SLC7A14: variants seen among roughly 807,000 people sequenced by gnomAD.
SLC7A14 encodes the protein gamma-aminobutyric acid transporter SLC7A14.
A neutral mutation model predicts 60.2 loss-of-function variants in SLC7A14; 37 were observed. The observed-to-expected ratio is 0.61, with a 90% CI of 0.47 to 0.81. The LOEUF is 0.81. Ranked by LOEUF, SLC7A14 falls within the 30% of genes least tolerant of loss-of-function variation. The pLI is 0.00. For synonymous variants in SLC7A14, 399 were observed against 395.8 expected, an observed-to-expected ratio of 1.01 and a Z score of -0.10; for missense variants, 886 against 982.7, an observed-to-expected ratio of 0.90 and a Z score of 1.32.
chr3:170,468,304 CTTT>C (rs1179861984), intron 7 of SLC7A14, among the ~76,000 whole-genome samples: 1 of 146,850 alleles, frequency 6.8e-6, no homozygotes, highest in Admixed American at 6.8e-5. Context: ...TTTTTCTTTT[CTTT>C]TTTTTTTTGA....
At chr3:170,517,876 C>T (rs755237486) in intron 2 of SLC7A14, among the ~76,000 whole-genome samples, 25 of 152,168 alleles carry the variant, frequency 1.6e-4, no homozygotes, top group African/African-American at 6.0e-4. Flanking sequence ...CTAAGGGTGT[C>T]GAGAAAAATA....
rs555844807 is a variant in SLC7A14 at position 170,575,459 on chromosome 3, AT to A, written c.-153+10451del. On this transcript the variant is annotated intron_variant, in intron 1 of 7. Coordinates refer to ENST00000231706, the MANE Select transcript of SLC7A14 (RefSeq NM_020949.3). ...TCTGTGTTTCTGAAGAGAATGCTGT[AT>A]GTAGAAGGAGCTCAGAATGTAGAAG... Among the ~76,000 whole-genome samples the A allele has an allele frequency of 1.6e-4, 25 of 152,308 alleles. No individual in the cohort carries two copies. The South Asian group carries it at 5.0e-3, about 30-fold the overall frequency.
intron 1 of SLC7A14, among the ~76,000 whole-genome samples, chr3:170,568,301 CAAAGATCAG>C (rs1714850355): frequency 6.6e-6 from 1 of 152,140 alleles, no homozygotes; most frequent in African/African-American, 2.4e-5. Flanking sequence ...TCAGGTTTGT[CAAAGATCAG>C]ATAGTTGTAG....
chr3:170,515,362 T>C (rs1424759990), intron 2 of SLC7A14, among the ~76,000 whole-genome samples: 4 of 151,218 alleles, frequency 2.6e-5, no homozygotes, highest in African/African-American at 4.9e-5. Context: ...ATTATGGATA[T>C]GGAAAGGTTG....
chr3:170,543,739 CT>C (rs1436670123), intron 1 of SLC7A14, among the ~76,000 whole-genome samples: 1 of 149,426 alleles, frequency 6.7e-6, no homozygotes, highest in Admixed American at 6.7e-5. Flanking sequence ...CATTTTCTTT[CT>C]TTCTTTCTTT....
intron 4 of SLC7A14, among the ~76,000 whole-genome samples, chr3:170,492,349 A>T (rs1023477254): frequency 5.3e-5 from 8 of 152,150 alleles, no homozygotes; most frequent in African/African-American, 1.9e-4. Context: ...AATAGTATTG[A>T]AAAAAATTAG....
At chr3:170,545,157 G>C (rs1019530109) in intron 1 of SLC7A14, among the ~76,000 whole-genome samples, 1 of 152,200 alleles carries the variant, frequency 6.6e-6, no homozygotes. Flanking sequence ...CACCAGAAAG[G>C]TGTGGTATCC....
At chr3:170,559,928 A>G (rs1047145326) in intron 1 of SLC7A14, among the ~76,000 whole-genome samples, 1 of 152,228 alleles carries the variant, frequency 6.6e-6, no homozygotes, top group Non-Finnish European at 1.5e-5. Flanking sequence ...GGTTGTCTTT[A>G]CCAAATGTTT....
Position 170,574,135 on chromosome 3 carries a change from T to C in SLC7A14, c.-153+11776A>G, listed in dbSNP as rs192229840. ...CCTGAGAAGCTAGTTCTGGGGTTTC[T>C]TTCCTCTCTTACTTGCTTCTCTTTT... On this transcript the variant is annotated intron_variant, in intron 1 of 7. Transcript: ENST00000231706. Among the ~76,000 whole-genome samples the C allele has an allele frequency of 1.5e-4, 23 of 152,346 alleles. 1 individual carries two copies. In the East Asian group the frequency reaches 4.2e-3, roughly 28 times the overall value.
chr3:170,493,633 G>A (rs1577510490), intron 4 of SLC7A14, among the ~76,000 whole-genome samples: 3 of 152,314 alleles, frequency 2.0e-5, no homozygotes, highest in Admixed American at 2.0e-4. Context: ...TTAGGTAACA[G>A]AGCGAGGAAT....
chr3:170,492,944 T>A (rs1484110531), intron 4 of SLC7A14, among the ~76,000 whole-genome samples: 1 of 152,210 alleles, frequency 6.6e-6, no homozygotes, highest in African/African-American at 2.4e-5. Flanking sequence ...CAGTGGAATG[T>A]GCTAATAGGT....
chr3:170,474,035 A>G (rs1711525489), intron 7 of SLC7A14, among the ~76,000 whole-genome samples: 1 of 152,204 alleles, frequency 6.6e-6, no homozygotes, highest in Non-Finnish European at 1.5e-5. Context: ...CATGTACAAG[A>G]ATGTTCACAG....
intron 1 of SLC7A14, among the ~76,000 whole-genome samples, chr3:170,573,104 A>C (rs974689571): frequency 2.0e-5 from 3 of 152,216 alleles, no homozygotes; most frequent in Admixed American, 6.5e-5. Flanking sequence ...CAGGGTCCAC[A>C]CATGGAGATT....
At chr3:170,476,648 AT>A (rs1711627951) in intron 7 of SLC7A14, 1 of 152,210 alleles carries the variant, frequency 6.6e-6, no homozygotes, top group Non-Finnish European at 1.5e-5. Context: ...ACAATGAATC[AT>A]TTCAGATTTT....
chr3:170,508,363 G>C (rs375018765), intron 2 of SLC7A14, among the ~76,000 whole-genome samples: 1 of 152,194 alleles, frequency 6.6e-6, no homozygotes, highest in Admixed American at 6.5e-5. Flanking sequence ...CAACTGGAGC[G>C]TTGCTCAGAG....
At position 170,459,669 on chromosome 3, in the gene SLC7A14, A is replaced by C. The variant is rs1367164781; in HGVS notation, c.*7386T>G. On this transcript the variant is annotated 3_prime_UTR_variant, in exon 8 of 8. Coordinates refer to ENST00000231706, the MANE Select transcript of SLC7A14 (RefSeq NM_020949.3). ...ACTCATTTATCTGGCTTTTCTACAA[A>C]GGACAATTGAAACACTTAAGGCGAA... The C allele has an allele frequency of 1.3e-5, 2 of 152,360 alleles. No individual in the cohort carries two copies. Among genetic ancestry groups the C allele is most frequent in the Admixed American group, 1.3e-4 (2 of 15,300 alleles). 9.4% of individuals were successfully genotyped at this position (152,360 alleles called of 1,614,324 possible).
chr3:170,583,982 C>A lies in SLC7A14; in HGVS notation c.-153+1929G>T, dbSNP rs1414714934. On this transcript the variant is annotated intron_variant, in intron 1 of 7. Transcript: ENST00000231706. ...ATAACAGCTATTCAGAGCCAAATAC[C>A]AAAATGAAGGCATGAAAATGGCTTG... 2.0e-5 allele frequency among the ~76,000 whole-genome samples: 3 copies of A among 152,094 alleles called. No homozygotes were observed. The East Asian group carries it at 5.8e-4, about 29-fold the overall frequency.
At chr3:170,509,769 A>T (rs1051898081) in intron 2 of SLC7A14, among the ~76,000 whole-genome samples, 1 of 150,674 alleles carries the variant, frequency 6.6e-6, no homozygotes. Context: ...ACATGGAGAA[A>T]CCTTGTCTCT....
At chr3:170,525,608 A>AT (rs2108293067) in intron 2 of SLC7A14, among the ~76,000 whole-genome samples, 1 of 152,068 alleles carries the variant, frequency 6.6e-6, no homozygotes, top group African/African-American at 2.4e-5. Flanking sequence ...GCCTATCTTT[A>AT]TTATTTATAT....
Sources: gnomAD v4.1 joint callset for allele counts (sites outside exome capture counted in the v4.1 genomes callset) on GRCh38, gnomAD v4.1.1 for gene constraint, MANE v1.5 for transcripts, NCBI Gene and HGNC (gene_info 2026-07-23, HGNC 2026-07-21) for gene names.